ZWINT: variants seen among roughly 807,000 people sequenced by gnomAD.
ZWINT encodes the protein ZW10 interacting kinetochore protein.
A neutral mutation model predicts 41.5 loss-of-function variants in ZWINT; 41 were observed. That is an observed-to-expected ratio of 0.99 (90% confidence interval 0.77 to 1.28). The LOEUF is 1.28. Ranked by LOEUF, ZWINT falls within the 50% of genes most tolerant of loss-of-function variation. The pLI is 0.00. For synonymous variants in ZWINT, 132 were observed against 126.8 expected (o/e 1.04, Z -0.28); for missense variants, 369 against 329.7 (o/e 1.12, Z -0.92).
At chr10:56,361,111 G>T in intron 1 of ZWINT, 85 bp downstream of exon 1, 2 of 1,485,092 alleles carry the variant, frequency 1.3e-6, no homozygotes, top group Non-Finnish European at 1.9e-6. Flanking sequence ...GCTGTACAGG[G>T]TCGAGGGCAC....
At position 56,358,852 on chromosome 10, in the gene ZWINT, A is replaced by C; in HGVS notation, c.576T>G (p.Leu192=). 5 of 1,613,996 alleles carry C rather than the reference A, an allele frequency of 3.1e-6. No homozygotes were observed. Among genetic ancestry groups the C allele is most frequent in the Non-Finnish European group, 4.2e-6 (5 of 1,180,002 alleles). Residue 192 remains leucine (L), a synonymous_variant, in exon 6 of 9, where the codon CTT becomes CTG. Coordinates refer to ENST00000373944, the MANE Select transcript of ZWINT (RefSeq NM_007057.4). ...QQELDRVFQK[L]GNLKQQAEQE... The stretch of plus-strand genomic sequence containing the variant: ...GTTCTGCCTGCTGCTTCAGGTTTCC[A>C]AGTTTCTGAAACACCCTGTCAAGCT...
At chr10:56,360,451 A>C in intron 1 of ZWINT, 68 bp from the exon 2 acceptor site, 2 of 1,338,108 alleles carry the variant, frequency 1.5e-6, no homozygotes, top group Non-Finnish European at 2.1e-6. Flanking sequence ...TCGTGTGTGT[A>C]CACAAACAAA....
At chr10:56,358,498 C>T (rs376475689) in intron 7 of ZWINT, 39 bp from the exon 8 acceptor site, 8 of 1,613,976 alleles carry the variant, frequency 5.0e-6, no homozygotes, top group Non-Finnish European at 5.9e-6. Context: ...TAAGGCCAAT[C>T]TCCCAGCTTC....
rs1838215444 is a variant in ZWINT at position 56,358,168 on chromosome 10, GT to G, written c.*58del. ...TCTTTCCTGTAATGATGGTTGGGAGGTGAGGGAAGTCAGAGGCCTGGGGAAG... is the reference window on the plus strand; with the variant it reads ...TCTTTCCTGTAATGATGGTTGGGAGGGAGGGAAGTCAGAGGCCTGGGGAAG... On this transcript the variant is annotated 3_prime_UTR_variant, in exon 9 of 9. Transcript: ENST00000373944. The G allele has an allele frequency of 5.4e-6, 4 of 739,074 alleles. No homozygotes were observed. Among genetic ancestry groups the G allele is most frequent in the Non-Finnish European group, 1.0e-5 (4 of 392,548 alleles). The allele number at this position is 739,074 out of a possible 1,614,324, so 45.8% of individuals were successfully genotyped here. A position where few individuals can be genotyped will look rare whatever the true frequency, so the allele number is the denominator to read the frequency against.
intron 3 of ZWINT, 39 bp downstream of exon 3, chr10:56,359,979 A>G (rs1430122475): frequency 6.2e-7 from 1 of 1,609,314 alleles, no homozygotes; most frequent in Admixed American, 1.7e-5. Flanking sequence ...TTCCTTCCCC[A>G]CTCAGGTCAG....
rs912037697 is a variant in ZWINT at position 56,359,608 on chromosome 10, C to T, written c.424-76G>A. The T allele has an allele frequency of 2.5e-6, 4 of 1,589,430 alleles. No individual in the cohort carries two copies. In the African/African-American group the frequency reaches 5.4e-5, roughly 22 times the overall value. Reference sequence around the variant, plus strand: ...AGAATTTTGGGAGATTGCAAGCTGGCACAACTCAGCTTGCTCACTCTTTCC... The same window carrying T: ...AGAATTTTGGGAGATTGCAAGCTGGTACAACTCAGCTTGCTCACTCTTTCC... On this transcript the variant is annotated intron_variant, in intron 4 of 8. Coordinates refer to ENST00000373944, the MANE Select transcript of ZWINT (RefSeq NM_007057.4).
chr10:56,358,737 G>A lies in ZWINT; in HGVS notation c.624-13C>T, dbSNP rs767197049. ...GAAGGTCTGATACCTACAAAGAGGAGGTAAGTGTGAAGGAAAGGAATCTCA... is the reference window on the plus strand; with the variant it reads ...GAAGGTCTGATACCTACAAAGAGGAAGTAAGTGTGAAGGAAAGGAATCTCA... On this transcript the variant is annotated splice_polypyrimidine_tract_variant and intron_variant, in intron 6 of 8. Coordinates refer to ENST00000373944, the MANE Select transcript of ZWINT (RefSeq NM_007057.4). 36 of 1,613,868 alleles carry A rather than the reference G, an allele frequency of 2.2e-5. No homozygotes were observed. Among genetic ancestry groups the A allele is most frequent in the Non-Finnish European group, 2.9e-5 (34 of 1,179,980 alleles).
chr10:56,360,183 C>A (rs370051451), intron 2 of ZWINT, 42 bp from the exon 3 acceptor site: 1 of 1,612,526 alleles, frequency 6.2e-7, no homozygotes, highest in Non-Finnish European at 8.5e-7. Flanking sequence ...TCCTTACCTC[C>A]TTACAGGTTT....
Position 56,358,439 on chromosome 10 carries a change from AGC to A in ZWINT, c.811_812del (p.Ala271TrpfsTer40). On this transcript the variant is annotated frameshift_variant, in exon 8 of 9. Transcript: ENST00000373944. LOFTEE classifies it high-confidence loss of function. ...VSFKAVGLQP[A>X]GDVNLP ...GAAGTCATGGCAAATTTACATCTCCAGCAGGTTGTAGACCAACAGCCTTGGAG... is the reference window on the plus strand; with the variant it reads ...GAAGTCATGGCAAATTTACATCTCCAAGGTTGTAGACCAACAGCCTTGGAG... The A allele has an allele frequency of 6.2e-7, 1 of 1,614,098 alleles. No homozygotes were observed. Among genetic ancestry groups the A allele is most frequent in the Non-Finnish European group, 8.5e-7 (1 of 1,180,016 alleles).
chr10:56,358,359 GCC>G lies in ZWINT; in HGVS notation c.*41+16_*41+17del. 4.4e-6 allele frequency: 7 copies of G among 1,601,706 alleles called. No homozygotes were observed. Among genetic ancestry groups the G allele is most frequent in the Non-Finnish European group, 6.0e-6 (7 of 1,168,838 alleles). On this transcript the variant is annotated intron_variant, in intron 8 of 8. Coordinates refer to ENST00000373944, the MANE Select transcript of ZWINT (RefSeq NM_007057.4). ...ACACTTGCAGTCCAGGGACACCAAG[GCC>G]TGAGTTGGGTCTGACCTTTTCTAGG... is the stretch of plus-strand genomic sequence containing the variant.
rs760538663 is a variant in ZWINT, at chr10:56,360,127, T to C, written c.147A>G (p.Lys49=). 2 of 1,614,062 alleles carry C rather than the reference T, an allele frequency of 1.2e-6. No homozygotes were observed. The highest frequency in any genetic ancestry group is 1.7e-6 in the Non-Finnish European group (2 of 1,180,032). ...GAAGCTGGCTGCAGAGCAGCTTGTC[T>C]TTCTTCTGAGAGTCCTGCTCAGAGG... ...LVEFVVDSQK[K]DKLLCSQLQV... is the part of the protein sequence containing the mutation. The change falls in exon 3 of 9, where the codon AAA becomes AAG. Residue 49 remains lysine (K), a synonymous_variant. Coordinates refer to ENST00000373944, the MANE Select transcript of ZWINT (RefSeq NM_007057.4).
intron 5 of ZWINT, 65 bp downstream of exon 5, chr10:56,359,410 AG>A: frequency 6.9e-7 from 1 of 1,448,306 alleles, no homozygotes; most frequent in Non-Finnish European, 9.2e-7. Context: ...TTTTCTAGAC[AG>A]GGGACACAGC....
At position 56,360,137 on chromosome 10, in the gene ZWINT, G is replaced by A; in HGVS notation, c.137C>T (p.Ser46Phe). The A allele has an allele frequency of 6.2e-7, 1 of 1,613,976 alleles. No individual in the cohort carries two copies. The highest frequency in any genetic ancestry group is 8.5e-7 in the Non-Finnish European group (1 of 1,180,034). Residue 46 changes from serine (S) to phenylalanine (F), a missense_variant, in exon 3 of 9, where the codon TCT becomes TTT. By Grantham distance (155) the Ser-to-Phe change is radical. Transcript: ENST00000373944. The part of the protein sequence containing the change: ...AKILVEFVVD[S>F]QKKDKLLCSQ... Reference sequence around the variant, plus strand: ...GCAGAGCAGCTTGTCTTTCTTCTGAGAGTCCTGCTCAGAGGGAGGGCAGAG... The same window carrying A: ...GCAGAGCAGCTTGTCTTTCTTCTGAAAGTCCTGCTCAGAGGGAGGGCAGAG...
intron 4 of ZWINT, 65 bp downstream of exon 4, chr10:56,359,622 C>T: frequency 1.3e-6 from 2 of 1,599,740 alleles, no homozygotes. Context: ...ACTCAGCTTG[C>T]TCACTCTTTC....
At chr10:56,360,404 A>G (rs1838299916) in intron 1 of ZWINT, 21 bp from the exon 2 acceptor site, 5 of 1,606,546 alleles carry the variant, frequency 3.1e-6, no homozygotes, top group South Asian at 2.2e-5. Flanking sequence ...AAGGAAACAC[A>G]GGAAATTGCA....
chr10:56,358,755 G>T lies in ZWINT; in HGVS notation c.624-31C>A, dbSNP rs1838238468. ...AAGAGGAGGTAAGTGTGAAGGAAAG[G>T]AATCTCAGCTGGACCATTTTGAATC... On this transcript the variant is annotated intron_variant, in intron 6 of 8. Coordinates refer to ENST00000373944, the MANE Select transcript of ZWINT (RefSeq NM_007057.4). 3 of 1,613,894 alleles carry T rather than the reference G, an allele frequency of 1.9e-6. No individual in the cohort carries two copies. In the South Asian group the frequency reaches 3.3e-5, roughly 18 times the overall value.
chr10:56,360,140 T>C lies in ZWINT; in HGVS notation c.134A>G (p.Asp45Gly), dbSNP rs1838289887. 1 of 1,613,790 alleles carries C rather than the reference T, an allele frequency of 6.2e-7. No homozygotes were observed. The highest frequency in any genetic ancestry group is 1.7e-5 in the Admixed American group (1 of 59,992). ...GAGCAGCTTGTCTTTCTTCTGAGAG[T>C]CCTGCTCAGAGGGAGGGCAGAGACA... Reference protein sequence around the residue: ...PAKILVEFVVDSQKKDKLLCS... With the variant: ...PAKILVEFVVGSQKKDKLLCS... The change falls in exon 3 of 9, where the codon GAC (aspartate) becomes GGC (glycine). Residue 45 changes from aspartate (D) to glycine (G), a missense_variant and splice_region_variant. Coordinates refer to ENST00000373944, the MANE Select transcript of ZWINT (RefSeq NM_007057.4).
At position 56,360,072 on chromosome 10, in the gene ZWINT, C is replaced by T; in HGVS notation, c.202G>A (p.Ala68Thr). Residue 68 changes from alanine (A) to threonine (T), a missense_variant, in exon 3 of 9, where the codon GCT (alanine) becomes ACT (threonine). Transcript: ENST00000373944. The part of the protein sequence containing the change: ...QVADFLQNIL[A>T]QEDTAKGLDP... ...AGACCCTTAGCAGTGTCCTCCTGAGCCAGGATGTTCTGCAGGAAATCCGCT... is the reference window on the plus strand; with the variant it reads ...AGACCCTTAGCAGTGTCCTCCTGAGTCAGGATGTTCTGCAGGAAATCCGCT... The T allele has an allele frequency of 6.2e-7, 1 of 1,614,152 alleles. No individual in the cohort carries two copies. Among genetic ancestry groups the T allele is most frequent in the Non-Finnish European group, 8.5e-7 (1 of 1,180,050 alleles).
At chr10:56,359,103 G>A (rs1838252112) in intron 5 of ZWINT, among the ~76,000 whole-genome samples, 156 bp from the exon 6 acceptor site, 1 of 152,170 alleles carries the variant, frequency 6.6e-6, no homozygotes, top group Non-Finnish European at 1.5e-5. Flanking sequence ...CTAGAGAAAA[G>A]GAAAGATCAG....
Sources: gnomAD v4.1 joint callset for allele counts (sites outside exome capture counted in the v4.1 genomes callset) on GRCh38, gnomAD v4.1.1 for gene constraint, MANE v1.5 for transcripts, NCBI Gene and HGNC (gene_info 2026-07-23, HGNC 2026-07-21) for gene names.